HEXB: variants seen among roughly 807,000 people sequenced by gnomAD.
HEXB encodes hexosaminidase subunit beta.
Under a neutral mutation model 71.2 loss-of-function variants are expected in HEXB, and 51 were observed. The observed-to-expected ratio is 0.72, with a 90% confidence interval of 0.57 to 0.90. The LOEUF (loss-of-function observed/expected upper bound fraction) is 0.90. Among genes scored for constraint, HEXB ranks in the 40% least tolerant of loss-of-function variants. The pLI is 0.00. For synonymous variants in HEXB, 266 were observed against 249.3 expected, an observed-to-expected ratio of 1.07 and a Z score of -0.63; for missense variants, 617 against 677.0, an observed-to-expected ratio of 0.91 and a Z score of 0.98.
At chr5:74,673,785 C>T (rs1184608060) in intron 1 of HEXB, among the ~76,000 whole-genome samples, 1 of 152,094 alleles carries the variant, frequency 6.6e-6, no homozygotes, top group Non-Finnish European at 1.5e-5. Flanking sequence ...GAGGCTTCTC[C>T]ATCCGGCATG....
intron 5 of HEXB, among the ~76,000 whole-genome samples, chr5:74,702,280 G>A (rs551021333): frequency 1.2e-3 from 177 of 150,882 alleles, no homozygotes; most frequent in Non-Finnish European, 1.9e-3. Context: ...GGGTTTCACC[G>A]TTTTAGCCGG....
intron 1 of HEXB, among the ~76,000 whole-genome samples, chr5:74,670,503 C>T (rs535237618): frequency 5.9e-5 from 9 of 152,206 alleles, no homozygotes; most frequent in Non-Finnish European, 1.2e-4. Context: ...ACACAGAAGG[C>T]TGTACTACTG....
chr5:74,696,266 T>C (rs958744586), intron 3 of HEXB, among the ~76,000 whole-genome samples: 1 of 152,236 alleles, frequency 6.6e-6, no homozygotes, highest in African/African-American at 2.4e-5. Flanking sequence ...TTGGCCTTTA[T>C]TTATAGTTTC....
chr5:74,674,759 G>C (rs955920332), intron 1 of HEXB, among the ~76,000 whole-genome samples: 1 of 152,110 alleles, frequency 6.6e-6, no homozygotes, highest in Non-Finnish European at 1.5e-5. Context: ...GCGGATCACA[G>C]TCACATCTCT....
chr5:74,652,435 TAATC>T lies in HEXB; in HGVS notation c.-377+11881_-377+11884del. ...AGCCGTTTGCCTTCATGTATTTGCTTAATCAATGGTACGAAAATTGCAGCCGCTC... is the reference window on the plus strand; with the variant it reads ...AGCCGTTTGCCTTCATGTATTTGCTTAATGGTACGAAAATTGCAGCCGCTC... On this transcript the variant is annotated intron_variant, in intron 1 of 13. Transcript: ENST00000511181. The surrounding 1 kb of genome is among the most constrained non-coding windows in gnomAD (Gnocchi z 5.4). Among the ~76,000 whole-genome samples, 1 of 152,366 alleles carries T rather than the reference TAATC, an allele frequency of 6.6e-6. No homozygotes were observed. The highest frequency in any genetic ancestry group is 2.4e-5 in the African/African-American group (1 of 41,590).
At chr5:74,648,416 C>A (rs778157103) in intron 1 of HEXB, among the ~76,000 whole-genome samples, 1 of 152,134 alleles carries the variant, frequency 6.6e-6, no homozygotes, top group Non-Finnish European at 1.5e-5. Context: ...CAAATAGTAC[C>A]GAAGGACAAG....
intron 2 of HEXB, 191 bp downstream of exon 2, chr5:74,689,664 C>T: frequency 3.3e-6 from 2 of 612,984 alleles, no homozygotes; most frequent in Non-Finnish European, 5.8e-6. Flanking sequence ...TTATTAAGTA[C>T]AGTAAGTGCA....
intron 6 of HEXB, among the ~76,000 whole-genome samples, chr5:74,708,955 A>G (rs1013901587): frequency 2.0e-5 from 3 of 152,224 alleles, no homozygotes; most frequent in Non-Finnish European, 4.4e-5. Flanking sequence ...ATAGACATCT[A>G]CAGAACTCTC....
intron 1 of HEXB, among the ~76,000 whole-genome samples, chr5:74,688,696 G>T (rs980647520): frequency 3.3e-5 from 5 of 152,148 alleles, no homozygotes; most frequent in Non-Finnish European, 7.3e-5. Flanking sequence ...TTCTTTTGGG[G>T]CTTTATATGT....
In HEXB at chr5:74,713,552, T is replaced by C. The variant is rs1561225880; in HGVS notation, c.818T>C (p.Met273Thr). 3 of 1,612,008 alleles carry C rather than the reference T, an allele frequency of 1.9e-6. No individual in the cohort carries two copies. The highest frequency in any genetic ancestry group is 2.5e-6 in the Non-Finnish European group (3 of 1,178,032). The change falls in exon 7 of 14, where the codon ATG becomes ACG. Residue 273 changes from methionine (M) to threonine (T), a missense_variant. Transcript: ENST00000261416. ...GTTTATACACCAAATGATGTCCGTA[T>C]GGTGATTGAATATGCCAGATTACGA... is the stretch of plus-strand genomic sequence containing the variant. ...SHVYTPNDVR[M>T]VIEYARLRGI... is the part of the protein sequence containing the mutation.
intron 1 of HEXB, among the ~76,000 whole-genome samples, chr5:74,664,430 TAAAA>T (rs397998152): frequency 0.35 from 27,346 of 79,072 alleles, 3,253 homozygotes; most frequent in Admixed American, 0.41. Flanking sequence ...ATTCTATCTC[TAAAA>T]AAAAAAAAAA....
chr5:74,683,923 C>T (rs1748787587), upstream of HEXB, among the ~76,000 whole-genome samples: 1 of 150,978 alleles, frequency 6.6e-6, no homozygotes. Flanking sequence ...CGGTTTCAAG[C>T]GATTCTCCTG....
At chr5:74,683,162 A>C (rs1360535078), upstream of HEXB, among the ~76,000 whole-genome samples, 4 of 152,212 alleles carry the variant, frequency 2.6e-5, no homozygotes, top group Non-Finnish European at 5.9e-5. Flanking sequence ...CTCTGGAACA[A>C]AAGTCTTGAG....
At chr5:74,696,023 G>A (rs1580383074) in intron 3 of HEXB, among the ~76,000 whole-genome samples, 1 of 152,216 alleles carries the variant, frequency 6.6e-6, no homozygotes, top group Admixed American at 6.5e-5. Flanking sequence ...GCATGAACCT[G>A]TACTTGACGA....
intron 6 of HEXB, among the ~76,000 whole-genome samples, chr5:74,707,983 A>C (rs1253188058): frequency 6.6e-6 from 1 of 152,064 alleles, no homozygotes; most frequent in Non-Finnish European, 1.5e-5. Context: ...CAAGACACAT[A>C]ATTGTCAGAT....
intron 2 of HEXB, among the ~76,000 whole-genome samples, chr5:74,691,295 A>G (rs1012523182): frequency 6.6e-6 from 1 of 152,226 alleles, no homozygotes; most frequent in Admixed American, 6.5e-5. Context: ...ACTATTTATT[A>G]AAAATAAAAA....
chr5:74,644,768 T>TG (rs1345066543), intron 1 of HEXB, among the ~76,000 whole-genome samples: 3 of 116,026 alleles, frequency 2.6e-5, no homozygotes, highest in African/African-American at 3.6e-5. Context: ...TTTTTCCTTT[T>TG]TTTTTTTTTT....
At chr5:74,663,347 C>G (rs946774933) in intron 1 of HEXB, among the ~76,000 whole-genome samples, 5 of 150,674 alleles carry the variant, frequency 3.3e-5, no homozygotes, top group Non-Finnish European at 7.4e-5. Context: ...CCCGCCACCA[C>G]ACCTGGCTAA....
chr5:74,647,818 A>G (rs576949806), intron 1 of HEXB, among the ~76,000 whole-genome samples: 51 of 152,336 alleles, frequency 3.3e-4, no homozygotes, highest in African/African-American at 1.2e-3. Context: ...TTGTGGTTTC[A>G]TTCATTTAGC....
Sources: gnomAD v4.1 joint callset for allele counts (sites outside exome capture counted in the v4.1 genomes callset) on GRCh38, gnomAD v4.1.1 for gene constraint, Gnocchi (gnomAD v3.1) non-coding constraint, MANE v1.5 for transcripts, NCBI Gene and HGNC (gene_info 2026-07-23, HGNC 2026-07-21) for gene names.